The following KIF24 variants were observed in gnomAD, a reference collection of about 807,000 sequenced individuals.
KIF24 encodes the protein kinesin-like protein KIF24.
A neutral mutation model predicts 118.9 loss-of-function variants in KIF24; 81 were observed. That is an observed-to-expected ratio of 0.68 (90% CI 0.57 to 0.82). KIF24 has a LOEUF of 0.82. Ranked by LOEUF, KIF24 falls within the 40% of genes least tolerant of loss-of-function variation. KIF24 has a pLI of 0.00. For synonymous variants in KIF24, 599 were observed against 610.0 expected, an observed-to-expected ratio of 0.98 and a Z score of 0.27; for missense variants, 1,560 against 1,661.6, an observed-to-expected ratio of 0.94 and a Z score of 1.06.
chr9:34,291,836 G>A (rs1264400889), intron 4 of KIF24, among the ~76,000 whole-genome samples: 1 of 151,746 alleles, frequency 6.6e-6, no homozygotes, highest in Non-Finnish European at 1.5e-5. Context: ...ATAAATCTCA[G>A]GACCCCGAAC....
chr9:34,290,114 C>T (rs545582071), intron 5 of KIF24, 60 bp downstream of exon 5: 75 of 1,221,874 alleles, frequency 6.1e-5, no homozygotes, highest in Admixed American at 2.7e-4. Context: ...AGTGATTCTC[C>T]GGGACTCTGG....
rs768085863 is a variant in KIF24 at position 34,257,606 on chromosome 9, T to C, written c.2001A>G (p.Pro667=). ...VAKKKPEESA[P]LCSEKNRMGN... ...CCATTCGATTTTTCTCAGAGCACAA[T>C]GGTGCTGACTCTTCTGGCTTTTTTT... The change falls in exon 11 of 13, where the codon CCA becomes CCG. Residue 667 remains proline (P), a synonymous_variant. Coordinates refer to ENST00000402558, the MANE Select transcript of KIF24 (RefSeq NM_194313.4). 5.0e-6 allele frequency: 8 copies of C among 1,613,978 alleles called. No homozygotes were observed. The Admixed American group carries it at 8.3e-5, about 17-fold the overall frequency.
rs768439663 is a variant in KIF24 at position 34,290,346 on chromosome 9, T to C, written c.955A>G (p.Lys319Glu). ...TGAGTTCCTATCATGGTGTAGGTCT[T>C]TCCAGCACCTGTCTGTCCATAAGCA... ...CFAYGQTGAG[K>E]TYTMIGTHEN... Residue 319 changes from lysine (K) to glutamate (E), a missense_variant, in exon 5 of 13, where the codon AAG (lysine) becomes GAG (glutamate). Physicochemically the swap from Lys to Glu is moderately conservative, Grantham distance 56. Coordinates refer to ENST00000402558, the MANE Select transcript of KIF24 (RefSeq NM_194313.4). 3 of 1,612,716 alleles carry C rather than the reference T, an allele frequency of 1.9e-6. No individual in the cohort carries two copies. Among genetic ancestry groups the C allele is most frequent in the Admixed American group, 3.3e-5 (2 of 59,920 alleles).
chr9:34,278,254 C>T (rs1216299443), intron 6 of KIF24, among the ~76,000 whole-genome samples: 1 of 152,026 alleles, frequency 6.6e-6, no homozygotes, highest in Non-Finnish European at 1.5e-5. Flanking sequence ...ACTAAAAATA[C>T]AAAAATTAGC....
intron 7 of KIF24, among the ~76,000 whole-genome samples, chr9:34,271,209 A>G (rs1835490924): frequency 6.6e-6 from 1 of 152,102 alleles, no homozygotes; most frequent in African/African-American, 2.4e-5. Context: ...AATTTATGAG[A>G]AAGTATGACT....
upstream of KIF24, among the ~76,000 whole-genome samples, chr9:34,332,375 A>C (rs1837965941): frequency 6.6e-6 from 1 of 152,164 alleles, no homozygotes; most frequent in African/African-American, 2.4e-5. Context: ...CTTACGTTGC[A>C]CAAAACACAC....
chr9:34,286,542 C>T, intron 6 of KIF24, 75 bp downstream of exon 6: 1 of 1,045,256 alleles, frequency 9.6e-7, no homozygotes, highest in Non-Finnish European at 1.5e-6. Flanking sequence ...ACAGTACTTG[C>T]TTAGTAGCAA....
chr9:34,292,622 A>G (rs1836297382), intron 4 of KIF24, among the ~76,000 whole-genome samples: 1 of 152,226 alleles, frequency 6.6e-6, no homozygotes, highest in Admixed American at 6.5e-5. Flanking sequence ...TAGAAAACAA[A>G]GAAAGAGTAA....
intron 6 of KIF24, 148 bp downstream of exon 6, chr9:34,286,469 A>G: frequency 1.7e-6 from 1 of 582,310 alleles, no homozygotes; most frequent in East Asian, 2.8e-5. Flanking sequence ...CTCAGAAAAG[A>G]ATTCACATTT....
chr9:34,281,562 C>T (rs1464569114), intron 6 of KIF24, among the ~76,000 whole-genome samples: 1 of 152,140 alleles, frequency 6.6e-6, no homozygotes, highest in Non-Finnish European at 1.5e-5. Context: ...GCAAAAACCT[C>T]TAACAAAGCA....
intron 1 of KIF24, among the ~76,000 whole-genome samples, chr9:34,312,929 C>CCCCTGTT (rs1212054944): frequency 6.6e-6 from 1 of 152,166 alleles, no homozygotes; most frequent in Non-Finnish European, 1.5e-5. Context: ...GAACTCCTGA[C>CCCCTGTT]CTCAGGTGAT....
chr9:34,306,198 A>G, intron 3 of KIF24, 54 bp downstream of exon 3: 1 of 1,275,286 alleles, frequency 7.8e-7, no homozygotes. Context: ...AAAAGCAAAA[A>G]AAAATGACAT....
chr9:34,312,898 C>T (rs1326845566), intron 1 of KIF24, among the ~76,000 whole-genome samples: 1 of 152,144 alleles, frequency 6.6e-6, no homozygotes, highest in Non-Finnish European at 1.5e-5. Context: ...GGAGTTTCGC[C>T]ATGTTGGCCA....
intron 8 of KIF24, among the ~76,000 whole-genome samples, chr9:34,268,727 C>G (rs140301221): frequency 5.3e-5 from 8 of 151,182 alleles, no homozygotes; most frequent in African/African-American, 1.9e-4. Context: ...AGTCTTGTCT[C>G]GAACTCCTGA....
Position 34,269,335 on chromosome 9 carries a change from A to T in KIF24, c.1365T>A (p.Ser455Arg), listed in dbSNP as rs766519774. 13 of 1,608,830 alleles carry T rather than the reference A, an allele frequency of 8.1e-6. No individual in the cohort carries two copies. In the East Asian group the frequency reaches 2.9e-4, roughly 36 times the overall value. The change falls in exon 8 of 13, where the codon AGT (serine) becomes AGA (arginine). Residue 455 changes from serine to arginine, a missense_variant. Coordinates refer to ENST00000402558, the MANE Select transcript of KIF24 (RefSeq NM_194313.4). ...AGTCCCTTGCATCTGCTGCTCTTTC[A>T]CTGCCAGCCAAGTCAATAAAAGAGA... ...GRISFIDLAG[S>R]ERAADARDSD...
chr9:34,310,903 A>G lies in KIF24; in HGVS notation c.444T>C (p.His148=). The G allele has an allele frequency of 1.2e-6, 2 of 1,613,850 alleles. No homozygotes were observed. The highest frequency in any genetic ancestry group is 1.7e-6 in the Non-Finnish European group (2 of 1,179,746). ...EHMLPDDSQY[H]TKTGILNATA... is the part of the protein sequence containing the mutation. ...TGGCATTCAGAATTCCTGTTTTTGT[A>G]TGGTACTGGGAATCATCTGGTAGCA... Residue 148 remains histidine (H), a synonymous_variant, in exon 2 of 13, where the codon CAT becomes CAC. Coordinates refer to ENST00000402558, the MANE Select transcript of KIF24 (RefSeq NM_194313.4).
At position 34,291,910 on chromosome 9, in the gene KIF24, T is replaced by C. The variant is rs529461177; in HGVS notation, c.912-1521A>G. Among the ~76,000 whole-genome samples the C allele has an allele frequency of 3.9e-5, 6 of 152,094 alleles. No homozygotes were observed. In the South Asian group the frequency reaches 1.2e-3, roughly 32 times the overall value. On this transcript the variant is annotated intron_variant, in intron 4 of 12. Transcript: ENST00000402558. Reference sequence around the variant, plus strand: ...TCCCGCAAACCTGCCTCCCATTTGGTTCCTAAATAAGATGGCTACAAAGAT... The same window carrying C: ...TCCCGCAAACCTGCCTCCCATTTGGCTCCTAAATAAGATGGCTACAAAGAT...
intron 10 of KIF24, 62 bp downstream of exon 10, chr9:34,259,534 C>T (rs905859050): frequency 8.8e-5 from 107 of 1,217,640 alleles, no homozygotes; most frequent in African/African-American, 1.3e-4. Context: ...CTCACACACG[C>T]GTGCTGCACA....
chr9:34,262,675 AATATATATATATAT>A (rs1428160924), intron 9 of KIF24, among the ~76,000 whole-genome samples: 2,443 of 26,890 alleles, frequency 0.091, 151 homozygotes, highest in Non-Finnish European at 0.11. Context: ...AAAAAAAAAA[AATATATATATATAT>A]ATATATATAT....
Sources: gnomAD v4.1 joint callset for allele counts (sites outside exome capture counted in the v4.1 genomes callset) on GRCh38, gnomAD v4.1.1 for gene constraint, MANE v1.5 for transcripts, NCBI Gene and HGNC (gene_info 2026-07-23, HGNC 2026-07-21) for gene names.